Variants in COMMD10 observed in about 807,000 individuals in gnomAD.
COMMD10 encodes COMM domain-containing protein 10.
COMMD10 carries 33 observed loss-of-function variants against 28.9 expected under a neutral mutation model. That is an observed-to-expected ratio of 1.14 (90% CI 0.87 to 1.53). COMMD10 has a LOEUF of 1.53. Ranked by LOEUF, COMMD10 falls within the 40% of genes most tolerant of loss-of-function variation. COMMD10 has a pLI of 0.00. For synonymous variants in COMMD10, 110 were observed against 81.7 expected, an observed-to-expected ratio of 1.35 and a Z score of -1.87; for missense variants, 310 against 233.4, an observed-to-expected ratio of 1.33 and a Z score of -2.14.
At chr5:116,146,809 T>G (rs1752365112) in intron 5 of COMMD10, among the ~76,000 whole-genome samples, 1 of 151,844 alleles carries the variant, frequency 6.6e-6, no homozygotes, top group South Asian at 2.1e-4. Flanking sequence ...GAAGAAATTA[T>G]TGGGCACTTT....
chr5:116,163,279 A>G (rs1019817915), intron 5 of COMMD10, among the ~76,000 whole-genome samples: 5 of 151,834 alleles, frequency 3.3e-5, no homozygotes, highest in African/African-American at 9.7e-5. Context: ...AAAATGTCTT[A>G]TAATTTAAAA....
chr5:116,092,566 C>A lies in COMMD10; in HGVS notation c.265C>A (p.Pro89Thr). The A allele has an allele frequency of 1.2e-6, 2 of 1,604,804 alleles. No homozygotes were observed. Among genetic ancestry groups the A allele is most frequent in the Admixed American group, 1.7e-5 (1 of 58,464 alleles). ...LEQAVYHNVKPAALQQQLENI... is the reference protein window; with the variant it reads ...LEQAVYHNVKTAALQQQLENI... ...ATAGGCAGTGTATCACAATGTGAAG[C>A]CAGCAGCTTTGCAGCAGCAATTAGA... The change falls in exon 4 of 7, where the codon CCA (proline) becomes ACA (threonine). Residue 89 changes from proline to threonine, a missense_variant. Physicochemically the swap from Pro to Thr is conservative, Grantham distance 38. Coordinates refer to ENST00000274458, the MANE Select transcript of COMMD10 (RefSeq NM_016144.4).
intron 5 of COMMD10, among the ~76,000 whole-genome samples, chr5:116,162,052 T>G (rs894084275): frequency 2.6e-5 from 4 of 152,216 alleles, no homozygotes; most frequent in Non-Finnish European, 5.9e-5. Flanking sequence ...TTTGACTGAT[T>G]GTAATATATG....
At chr5:116,094,081 A>G (rs1750391004) in intron 4 of COMMD10, among the ~76,000 whole-genome samples, 1 of 152,180 alleles carries the variant, frequency 6.6e-6, no homozygotes, top group Admixed American at 6.5e-5. Flanking sequence ...AGAAGAAAAC[A>G]GGAGAAATAC....
At chr5:116,209,742 C>G (rs997396943) in intron 5 of COMMD10, among the ~76,000 whole-genome samples, 1 of 152,132 alleles carries the variant, frequency 6.6e-6, no homozygotes, top group Non-Finnish European at 1.5e-5. Context: ...CCACGCGTCT[C>G]TTAAATATAT....
chr5:116,093,408 G>A (rs906937599), intron 4 of COMMD10, among the ~76,000 whole-genome samples: 1 of 152,228 alleles, frequency 6.6e-6, no homozygotes, highest in African/African-American at 2.4e-5. Context: ...TCAACCAGAA[G>A]CCTGGAGAGG....
At chr5:116,213,895 A>T (rs922909247) in intron 5 of COMMD10, among the ~76,000 whole-genome samples, 2 of 152,072 alleles carry the variant, frequency 1.3e-5, no homozygotes, top group Non-Finnish European at 1.5e-5. Context: ...ACAAAAAGGA[A>T]TTTTTTTGTA....
intron 2 of COMMD10, 116 bp downstream of exon 2, chr5:116,087,703 C>T (rs1022634836): frequency 5.9e-6 from 4 of 675,464 alleles, no homozygotes; most frequent in Non-Finnish European, 1.1e-5. Context: ...CTTAGAGACA[C>T]TGGTTCTGTG....
rs575160969 is a variant in COMMD10 at position 116,199,095 on chromosome 5, G to C, written c.510+64917G>C. On this transcript the variant is annotated intron_variant, in intron 5 of 6. Transcript: ENST00000274458. Reference sequence around the variant, plus strand: ...CACTAACAATGAAATGAGGGTTCTTGTTGCTCCTTATCCTCACCATCATTT... The same window carrying C: ...CACTAACAATGAAATGAGGGTTCTTCTTGCTCCTTATCCTCACCATCATTT... 7.9e-5 allele frequency among the ~76,000 whole-genome samples: 12 copies of C among 152,244 alleles called. No homozygotes were observed. In the South Asian group the frequency reaches 2.3e-3, roughly 29 times the overall value.
At chr5:116,192,406 G>A (rs565170392) in intron 5 of COMMD10, among the ~76,000 whole-genome samples, 10 of 151,880 alleles carry the variant, frequency 6.6e-5, no homozygotes, top group African/African-American at 2.4e-4. Flanking sequence ...CCAATGCAAG[G>A]AAATCCAAAA....
At chr5:116,105,119 A>T (rs79471854) in intron 4 of COMMD10, among the ~76,000 whole-genome samples, 16,999 of 152,128 alleles carry the variant, frequency 0.11, 1,390 homozygotes, top group African/African-American at 0.22. Flanking sequence ...TATTATTTTG[A>T]GATATGTTCC....
chr5:116,136,317 C>T (rs1041721730), intron 5 of COMMD10, among the ~76,000 whole-genome samples: 3 of 152,194 alleles, frequency 2.0e-5, no homozygotes, highest in Non-Finnish European at 2.9e-5. Flanking sequence ...CTGGAACTCA[C>T]TAGCATAGAC....
rs1580532006 is a variant in COMMD10, at chr5:116,186,550, TACCTTG to T, written c.510+52377_510+52382del. Among the ~76,000 whole-genome samples the T allele has an allele frequency of 2.6e-5, 4 of 152,278 alleles. No individual in the cohort carries two copies. In the East Asian group the frequency reaches 7.7e-4, roughly 29 times the overall value. ...CAGATGTGATCTTCTGAAGGAGGTT[TACCTTG>T]ACCTGAACTGGCTGAGTTCTCCTAC... On this transcript the variant is annotated intron_variant, in intron 5 of 6. Transcript: ENST00000274458.
intron 5 of COMMD10, among the ~76,000 whole-genome samples, chr5:116,216,242 C>T (rs79446685): frequency 0.013 from 2,005 of 152,128 alleles, 49 homozygotes; most frequent in African/African-American, 0.044. Flanking sequence ...AAAGGACAGA[C>T]GCAAATTAAT....
chr5:116,089,052 TC>T (rs1400477077), intron 2 of COMMD10, among the ~76,000 whole-genome samples: 18 of 152,346 alleles, frequency 1.2e-4, no homozygotes, highest in Non-Finnish European at 4.4e-5. Context: ...TATTCCTTTT[TC>T]TAAGGAATTT....
intron 4 of COMMD10, among the ~76,000 whole-genome samples, chr5:116,117,454 T>G (rs1006279287): frequency 1.3e-5 from 2 of 152,152 alleles, no homozygotes; most frequent in Non-Finnish European, 2.9e-5. Flanking sequence ...CTGATTTTAG[T>G]CATTCTTTTT....
intron 4 of COMMD10, among the ~76,000 whole-genome samples, chr5:116,123,619 G>T (rs1418173086): frequency 2.0e-5 from 3 of 152,092 alleles, no homozygotes; most frequent in African/African-American, 7.2e-5. Flanking sequence ...TTTTTCTGTT[G>T]TTTGGAATAG....
At chr5:116,241,912 C>T (rs897488269) in intron 5 of COMMD10, among the ~76,000 whole-genome samples, 3 of 152,140 alleles carry the variant, frequency 2.0e-5, no homozygotes, top group African/African-American at 7.2e-5. Flanking sequence ...CCACCACGCC[C>T]AGCCAATTTG....
rs544559353 is a variant in COMMD10, at chr5:116,251,090, A to T, written c.511-40427A>T. On this transcript the variant is annotated intron_variant, in intron 5 of 6. Coordinates refer to ENST00000274458, the MANE Select transcript of COMMD10 (RefSeq NM_016144.4). ...ACAGAGCTCCTAGTTAATGCTACCA[A>T]GTAGGCAAGAAGATAGGTGCAACCT... 9.2e-5 allele frequency among the ~76,000 whole-genome samples: 14 copies of T among 152,098 alleles called. No individual in the cohort carries two copies. In the South Asian group the frequency reaches 2.3e-3, roughly 25 times the overall value.
Sources: allele counts gnomAD v4.1 joint callset (sites outside exome capture counted in the v4.1 genomes callset), GRCh38; gene constraint gnomAD v4.1.1; transcripts MANE v1.5; gene names NCBI Gene and HGNC (gene_info 2026-07-23, HGNC 2026-07-21).